ZNG1B: variants seen among roughly 807,000 people sequenced by gnomAD.
ZNG1B encodes Zn regulated GTPase metalloprotein activator 1B.
At chr2:113,445,113 T>C in the ZNG1B span, 4 of 1,594,978 alleles carry the variant, frequency 2.5e-6, no homozygotes, top group Admixed American at 1.7e-5. Flanking sequence ...TGTAAATAGA[T>C]GTATTAGAGG....
the ZNG1B span, among the ~76,000 whole-genome samples, chr2:113,477,390 A>G: frequency 6.6e-6 from 1 of 152,110 alleles, no homozygotes; most frequent in Admixed American, 6.5e-5. Context: ...CGGATGGTGC[A>G]CGCACCCACT....
the ZNG1B span, among the ~76,000 whole-genome samples, chr2:113,488,392 C>T: frequency 3.3e-5 from 5 of 152,304 alleles, no homozygotes; most frequent in South Asian, 4.1e-4. Flanking sequence ...GACATTCTCT[C>T]TGACAGAGCC....
At chr2:113,438,288 C>T in the ZNG1B span, among the ~76,000 whole-genome samples, 2 of 152,172 alleles carry the variant, frequency 1.3e-5, no homozygotes, top group Non-Finnish European at 2.9e-5. Context: ...TAAGACACGC[C>T]CCCCTGATTG....
At chr2:113,495,165 G>T in the ZNG1B span, 1 of 1,497,034 alleles carries the variant, frequency 6.7e-7, no homozygotes, top group Non-Finnish European at 8.9e-7. Flanking sequence ...GATTGTCCAG[G>T]GTGTCCATGA....
the ZNG1B span, among the ~76,000 whole-genome samples, chr2:113,471,932 G>A: frequency 1.4e-4 from 20 of 142,690 alleles, no homozygotes; most frequent in South Asian, 4.6e-4. Flanking sequence ...GAATAATGCC[G>A]CAATAAACAT....
chr2:113,463,871 A>G, the ZNG1B span, among the ~76,000 whole-genome samples: 2 of 151,912 alleles, frequency 1.3e-5, no homozygotes, highest in African/African-American at 4.8e-5. Flanking sequence ...AAGGGAAGAA[A>G]GAAAAAGATG....
chr2:113,472,705 G>A, the ZNG1B span, among the ~76,000 whole-genome samples: 28 of 151,750 alleles, frequency 1.8e-4, 1 homozygote, highest in African/African-American at 6.8e-4. Context: ...TCTACATATG[G>A]CTAGCCAGTT....
the ZNG1B span, among the ~76,000 whole-genome samples, chr2:113,444,651 T>A: frequency 6.6e-6 from 1 of 151,970 alleles, no homozygotes; most frequent in Non-Finnish European, 1.5e-5. Context: ...ATCATTATTT[T>A]GTATGTTGGT....
the ZNG1B span, among the ~76,000 whole-genome samples, chr2:113,451,041 C>G: frequency 6.6e-6 from 1 of 152,254 alleles, no homozygotes; most frequent in Non-Finnish European, 1.5e-5. Context: ...TCTCATTTCT[C>G]TTTGTTCTGA....
chr2:113,456,273 G>A, the ZNG1B span, among the ~76,000 whole-genome samples: 495 of 152,160 alleles, frequency 3.3e-3, 7 homozygotes, highest in African/African-American at 0.011. Context: ...ACAGTTTCAC[G>A]CAGAAAAATT....
the ZNG1B span, chr2:113,437,929 G>T: frequency 3.1e-6 from 5 of 1,612,062 alleles, no homozygotes; most frequent in East Asian, 8.9e-5. Flanking sequence ...GGATTGTCCT[G>T]AATTGGTTCC....
chr2:113,438,125 A>G, the ZNG1B span: 2 of 1,604,892 alleles, frequency 1.2e-6, no homozygotes, highest in Non-Finnish European at 1.7e-6. Flanking sequence ...CTCATGATCA[A>G]GAGCAAATGT....
the ZNG1B span, among the ~76,000 whole-genome samples, chr2:113,439,579 A>G: frequency 6.6e-6 from 1 of 152,198 alleles, no homozygotes; most frequent in African/African-American, 2.4e-5. Context: ...TTTCAGTGGC[A>G]TCCCTATGGG....
the ZNG1B span, among the ~76,000 whole-genome samples, chr2:113,453,695 C>G: frequency 6.6e-6 from 1 of 150,582 alleles, no homozygotes; most frequent in African/African-American, 2.5e-5. Flanking sequence ...AAACCCCAGA[C>G]AGTGGTGGAA....
At chr2:113,484,243 G>T in the ZNG1B span, among the ~76,000 whole-genome samples, 1 of 144,702 alleles carries the variant, frequency 6.9e-6, no homozygotes, top group South Asian at 2.3e-4. Context: ...AGATAAAACA[G>T]TATGATCTAA....
At chr2:113,452,320 G>T in the ZNG1B span, among the ~76,000 whole-genome samples, 1 of 152,068 alleles carries the variant, frequency 6.6e-6, no homozygotes, top group African/African-American at 2.4e-5. Context: ...CCACATCTTG[G>T]CAGAGTAGGT....
the ZNG1B span, among the ~76,000 whole-genome samples, chr2:113,458,434 C>T: frequency 6.6e-6 from 1 of 151,582 alleles, no homozygotes; most frequent in South Asian, 2.1e-4. Flanking sequence ...TATATGATTA[C>T]ATATAATTTT....
At chr2:113,460,908 A>G in the ZNG1B span, among the ~76,000 whole-genome samples, 34 of 151,268 alleles carry the variant, frequency 2.2e-4, no homozygotes, top group African/African-American at 8.2e-4. Flanking sequence ...ACTTAAAGTC[A>G]TTTTTGTCGT....
At chr2:113,454,650 G>A in the ZNG1B span, 1 of 1,283,650 alleles carries the variant, frequency 7.8e-7, no homozygotes, top group Admixed American at 2.0e-5. Context: ...ACTGAAATAG[G>A]TTAGTTTTAA....
Sources: gnomAD v4.1 joint callset for allele counts (sites outside exome capture counted in the v4.1 genomes callset) on GRCh38, gnomAD v4.1.1 for gene constraint, MANE v1.5 for transcripts, NCBI Gene and HGNC (gene_info 2026-07-23, HGNC 2026-07-21) for gene names.